HGSNAT: variants seen among roughly 807,000 people sequenced by gnomAD.
The protein encoded by HGSNAT is transmembrane protein 76.
Under a neutral mutation model 85.2 loss-of-function variants are expected in HGSNAT, and 59 were observed. The ratio of observed to expected loss-of-function variants is 0.69; its 90% confidence interval spans 0.56 to 0.86. HGSNAT has a LOEUF of 0.86. Ranked by LOEUF, HGSNAT falls within the 40% of genes least tolerant of loss-of-function variation. HGSNAT has a pLI of 0.00. For synonymous variants in HGSNAT, 321 were observed against 304.5 expected (o/e 1.05, Z -0.56); for missense variants, 756 against 777.1 (o/e 0.97, Z 0.32).
In HGSNAT at chr8:43,173,872, G is replaced by C. The variant is rs937462066; in HGVS notation, c.851+129G>C. 4 of 943,270 alleles carry C rather than the reference G, an allele frequency of 4.2e-6. No homozygotes were observed. In the African/African-American group the frequency reaches 6.6e-5, roughly 16 times the overall value. The allele number at this position is 943,270 out of a possible 1,614,324, so 58.4% of individuals were successfully genotyped here. A position where few individuals can be genotyped will look rare whatever the true frequency, so the allele number is the denominator to read the frequency against. ...GTTAGGAAGTCCTTCCAAAAGTCCT[G>C]TTACTGGATAGTTCTCATACTTGAC... On this transcript the variant is annotated intron_variant, in intron 9 of 17. Transcript: ENST00000379644.
rs1164054537 is a variant in HGSNAT, at chr8:43,140,560, C to T, written c.64C>T (p.Leu22=). ...LLAASVLSAA[L]LAPGGSSGRD... is the part of the protein sequence containing the mutation. Reference sequence around the variant, plus strand: ...GGCCGCGTCCGTGCTGAGCGCCGCGCTGCTGGCCCCCGGCGGCTCTTCGGG... The same window carrying T: ...GGCCGCGTCCGTGCTGAGCGCCGCGTTGCTGGCCCCCGGCGGCTCTTCGGG... The change falls in exon 1 of 18, where the codon CTG becomes TTG. Residue 22 remains leucine (L), a synonymous_variant. Transcript: ENST00000379644. The T allele has an allele frequency of 4.1e-6, 5 of 1,212,120 alleles. No individual in the cohort carries two copies. The highest frequency in any genetic ancestry group is 5.2e-6 in the Non-Finnish European group (5 of 969,254). The allele number at this position is 1,212,120 out of a possible 1,614,324, so 75.1% of individuals were successfully genotyped here. A position where few individuals can be genotyped will look rare whatever the true frequency, so the allele number is the denominator to read the frequency against.
intron 2 of HGSNAT, among the ~76,000 whole-genome samples, chr8:43,151,370 C>A (rs568439474): frequency 3.3e-5 from 5 of 152,170 alleles, no homozygotes; most frequent in Non-Finnish European, 7.3e-5. Context: ...GGAAAAATAA[C>A]GGAACCTGCC....
intron 9 of HGSNAT, among the ~76,000 whole-genome samples, chr8:43,175,866 C>T (rs1803794712): frequency 6.6e-6 from 1 of 152,074 alleles, no homozygotes; most frequent in South Asian, 2.1e-4. Context: ...CGAGCCCGGC[C>T]TTTTAATCCA....
chr8:43,160,580 A>G (rs1348502511), intron 4 of HGSNAT, among the ~76,000 whole-genome samples: 1 of 152,246 alleles, frequency 6.6e-6, no homozygotes, highest in African/African-American at 2.4e-5. Context: ...GAGTTCTCAA[A>G]TATCCTTCAC....
chr8:43,144,787 A>G (rs981913399), intron 1 of HGSNAT, among the ~76,000 whole-genome samples: 8 of 152,186 alleles, frequency 5.3e-5, no homozygotes, highest in African/African-American at 2.4e-5. Context: ...TTTGGCTACA[A>G]CTTCATTCTT....
rs773104757 is a variant in HGSNAT at position 43,197,914 on chromosome 8, T to G, written c.1688T>G (p.Val563Gly). ...ILLVLYPVVD[V>G]KGLWTGTPFF... ...CTGGTCCTGTACCCAGTTGTGGATG[T>G]GAAGGGGCTGTGGACAGGAACCCCA... The change falls in exon 17 of 18, where the codon GTG becomes GGG. Residue 563 changes from valine to glycine, a missense_variant. Val to Gly is a moderately radical substitution (Grantham distance 109). Coordinates refer to ENST00000379644, the MANE Select transcript of HGSNAT (RefSeq NM_152419.3). The G allele has an allele frequency of 7.5e-5, 121 of 1,613,870 alleles. No homozygotes were observed. Among genetic ancestry groups the G allele is most frequent in the Non-Finnish European group, 9.7e-5 (115 of 1,179,870 alleles).
intron 2 of HGSNAT, among the ~76,000 whole-genome samples, chr8:43,156,168 G>A (rs1230831748): frequency 6.6e-6 from 1 of 152,096 alleles, no homozygotes; most frequent in Non-Finnish European, 1.5e-5. Context: ...GACATTTATT[G>A]CCATAAACTT....
chr8:43,162,299 C>T (rs1362760960), intron 5 of HGSNAT, among the ~76,000 whole-genome samples: 2 of 152,110 alleles, frequency 1.3e-5, no homozygotes, highest in Non-Finnish European at 2.9e-5. Flanking sequence ...GGAATTTCTG[C>T]ACTGTGATAC....
chr8:43,179,360 C>T (rs1429891548), intron 10 of HGSNAT, among the ~76,000 whole-genome samples: 149 of 137,502 alleles, frequency 1.1e-3, no homozygotes, highest in Middle Eastern at 4.5e-3. Context: ...GCTGGCTGGG[C>T]GGGGGGCTGT....
intron 14 of HGSNAT, chr8:43,194,120 A>G: frequency 2.5e-5 from 30 of 1,193,406 alleles, no homozygotes; most frequent in Non-Finnish European, 3.1e-5. Flanking sequence ...TCCCTTGCCA[A>G]GCTGCAGTGG....
At chr8:43,174,735 C>T (rs1475925339) in intron 9 of HGSNAT, among the ~76,000 whole-genome samples, 1 of 151,900 alleles carries the variant, frequency 6.6e-6, no homozygotes, top group East Asian at 1.9e-4. Flanking sequence ...GGGTACCCAC[C>T]CCCTCAGGCA....
intron 1 of HGSNAT, among the ~76,000 whole-genome samples, chr8:43,143,082 C>T (rs1802602220): frequency 6.6e-6 from 1 of 152,040 alleles, no homozygotes; most frequent in South Asian, 2.1e-4. Context: ...TGAAAAAGAA[C>T]TATTTTAAAA....
intron 14 of HGSNAT, chr8:43,196,699 C>T (rs1804739085): frequency 3.4e-6 from 2 of 586,204 alleles, no homozygotes; most frequent in Non-Finnish European, 6.0e-6. Context: ...TCTGGCCTCA[C>T]CTCTGTGGCT....
At chr8:43,193,080 A>G (rs1804596780) in intron 13 of HGSNAT, among the ~76,000 whole-genome samples, 1 of 152,198 alleles carries the variant, frequency 6.6e-6, no homozygotes, top group East Asian at 1.9e-4. Context: ...CTACCCCTGG[A>G]TGGTGCGGAA....
At chr8:43,153,338 G>T (rs1196469263) in intron 2 of HGSNAT, among the ~76,000 whole-genome samples, 1 of 151,914 alleles carries the variant, frequency 6.6e-6, no homozygotes, top group Non-Finnish European at 1.5e-5. Flanking sequence ...AATTTTAAAA[G>T]GCAGAATACA....
At chr8:43,170,023 G>A (rs1038941489) in intron 6 of HGSNAT, among the ~76,000 whole-genome samples, 7 of 151,942 alleles carry the variant, frequency 4.6e-5, no homozygotes, top group Non-Finnish European at 8.8e-5. Flanking sequence ...GTTTCACCAT[G>A]TTGCCCAGGC....
chr8:43,181,549 T>G (rs1452895939), intron 10 of HGSNAT: 1 of 153,856 alleles, frequency 6.5e-6, no homozygotes. Flanking sequence ...TGGAGGTCAC[T>G]TCTAGATGGT....
intron 2 of HGSNAT, among the ~76,000 whole-genome samples, chr8:43,153,555 T>A (rs1802989073): frequency 6.6e-6 from 1 of 152,160 alleles, no homozygotes; most frequent in African/African-American, 2.4e-5. Flanking sequence ...AAAACACTTG[T>A]CATTTCTTTG....
At chr8:43,186,015 T>C (rs1190558843) in intron 11 of HGSNAT, among the ~76,000 whole-genome samples, 3 of 152,238 alleles carry the variant, frequency 2.0e-5, no homozygotes, top group Non-Finnish European at 2.9e-5. Context: ...ATAAGCTTTT[T>C]GATGTGCTGC....
Sources: gnomAD v4.1 joint callset for allele counts (sites outside exome capture counted in the v4.1 genomes callset) on GRCh38, gnomAD v4.1.1 for gene constraint, MANE v1.5 for transcripts, NCBI Gene and HGNC (gene_info 2026-07-23, HGNC 2026-07-21) for gene names.